Variants in TMEM132E observed in about 807,000 individuals in gnomAD.
TMEM132E encodes the protein transmembrane protein 132E.
Under a neutral mutation model 78.5 loss-of-function variants are expected in TMEM132E, and 49 were observed. The observed-to-expected ratio is 0.62, with a 90% CI of 0.50 to 0.79. The LOEUF is 0.79. Among genes scored for constraint, TMEM132E ranks in the 30% least tolerant of loss-of-function variants. The probability of loss-of-function intolerance (pLI) is 0.00; values close to 1 mark genes in which losing one functional copy is unlikely to be tolerated. For missense variants in TMEM132E, 1,403 were observed against 1,470.9 expected, an observed-to-expected ratio of 0.95 and a Z score of 0.75; for synonymous variants, 715 against 670.6, an observed-to-expected ratio of 1.07 and a Z score of -1.02.
intron 1 of TMEM132E, among the ~76,000 whole-genome samples, chr17:34,617,592 A>G (rs1399493252): frequency 6.6e-6 from 1 of 152,242 alleles, no homozygotes; most frequent in Non-Finnish European, 1.5e-5. Context: ...TGCTTATTTA[A>G]TCACAACTCT....
Position 34,638,266 on chromosome 17 carries a change from C to CA in TMEM132E, c.*34_*35insA, listed in dbSNP as rs368775416. The CA allele has an allele frequency of 0.18, 255,105 of 1,455,450 alleles. 10,174 individuals are homozygous for CA. The highest frequency in any genetic ancestry group is 0.41 in the Admixed American group (16,795 of 40,946). The allele number at this position is 1,455,450 out of a possible 1,614,324, so 90.2% of individuals were successfully genotyped here. A position where few individuals can be genotyped will look rare whatever the true frequency, so the allele number is the denominator to read the frequency against. The stretch of plus-strand genomic sequence containing the variant: ...GCCGGAGTAGCAGGGACCCCCCCCC[C>CA]CAACGGGGTCAGCTCGGGGTAGGAC... On this transcript the variant is annotated 3_prime_UTR_variant, in exon 9 of 9. Transcript: ENST00000631683.
Position 34,627,757 on chromosome 17 carries a change from A to G in TMEM132E, c.998+700A>G, listed in dbSNP as rs970023060. Among the ~76,000 whole-genome samples, 3 of 152,158 alleles carry G rather than the reference A, an allele frequency of 2.0e-5. No homozygotes were observed. In the East Asian group the frequency reaches 5.8e-4, roughly 29 times the overall value. On this transcript the variant is annotated intron_variant, in intron 2 of 8. Transcript: ENST00000631683. ...CACTATGCCTTGGACCTGAAACATC[A>G]CTATAAGCCTGCAGCTTCTTTAAGT... is the stretch of plus-strand genomic sequence containing the variant.
At chr17:34,594,169 T>C (rs1467367286) in intron 1 of TMEM132E, among the ~76,000 whole-genome samples, 2 of 152,142 alleles carry the variant, frequency 1.3e-5, no homozygotes, top group Middle Eastern at 3.2e-3. Flanking sequence ...GCAGAGGCCA[T>C]CTCTGTTTTG....
At chr17:34,617,896 T>G (rs980987389) in intron 1 of TMEM132E, among the ~76,000 whole-genome samples, 10 of 152,272 alleles carry the variant, frequency 6.6e-5, no homozygotes, top group Non-Finnish European at 1.2e-4. Flanking sequence ...CATAAAAACA[T>G]AAAGTAAAAT....
In TMEM132E at chr17:34,635,029, C is replaced by T. The variant is rs750520343; in HGVS notation, c.1919C>T (p.Ala640Val). ...ATGCGGGTGGGCGATCCCCGAGTGGCACACATGGTGGACAGCAGCACGCTG... is the reference window on the plus strand; with the variant it reads ...ATGCGGGTGGGCGATCCCCGAGTGGTACACATGGTGGACAGCAGCACGCTG... The part of the protein sequence containing the change: ...DFMRVGDPRV[A>V]HMVDSSTLAG... The change falls in exon 7 of 9, where the codon GCA (alanine) becomes GTA (valine). Residue 640 changes from alanine (A) to valine (V), a missense_variant. By Grantham distance (64) the Ala-to-Val change is moderately conservative (BLOSUM62 0). Transcript: ENST00000631683. 1 of 1,614,096 alleles carries T rather than the reference C, an allele frequency of 6.2e-7. No homozygotes were observed. Among genetic ancestry groups the T allele is most frequent in the Non-Finnish European group, 8.5e-7 (1 of 1,180,018 alleles).
intron 1 of TMEM132E, among the ~76,000 whole-genome samples, chr17:34,584,816 G>A (rs544526489): frequency 1.6e-4 from 25 of 152,300 alleles, no homozygotes; most frequent in Non-Finnish European, 3.1e-4. Context: ...ATGTGTCTCC[G>A]GTGACATGTT....
intron 1 of TMEM132E, among the ~76,000 whole-genome samples, chr17:34,605,792 G>C (rs1165435169): frequency 6.6e-6 from 1 of 152,220 alleles, no homozygotes; most frequent in Non-Finnish European, 1.5e-5. Context: ...CCCAGCTGCT[G>C]ATTTGGTCTT....
intron 1 of TMEM132E, among the ~76,000 whole-genome samples, chr17:34,586,233 C>G (rs1409036785): frequency 1.3e-5 from 2 of 152,138 alleles, no homozygotes; most frequent in Non-Finnish European, 2.9e-5. Context: ...CTTACTTCTT[C>G]CTTGCCCATG....
intron 8 of TMEM132E, among the ~76,000 whole-genome samples, chr17:34,636,455 T>C (rs1907524620): frequency 2.0e-5 from 3 of 152,278 alleles, no homozygotes; most frequent in African/African-American, 2.4e-5. Flanking sequence ...CACAGAGGGC[T>C]GTCACCTCCA....
intron 1 of TMEM132E, among the ~76,000 whole-genome samples, chr17:34,586,121 C>T (rs558525652): frequency 2.0e-4 from 30 of 152,132 alleles, no homozygotes; most frequent in South Asian, 1.2e-3. Flanking sequence ...AGAGCACACG[C>T]CTCTCTCCCC....
intron 1 of TMEM132E, among the ~76,000 whole-genome samples, chr17:34,613,171 CTCT>C (rs1380342126): frequency 1.0e-4 from 11 of 105,324 alleles, no homozygotes; most frequent in East Asian, 3.1e-4. Context: ...CTCTCTCTCT[CTCT>C]ACACACACAC....
chr17:34,609,900 G>A (rs16970092), intron 1 of TMEM132E, among the ~76,000 whole-genome samples: 2,611 of 152,102 alleles, frequency 0.017, 73 homozygotes, highest in African/African-American at 0.059. Flanking sequence ...TTAACCTGCC[G>A]GTCCAGCCCC....
intron 5 of TMEM132E, 40 bp downstream of exon 5, chr17:34,630,191 T>G (rs953445176): frequency 6.3e-7 from 1 of 1,595,156 alleles, no homozygotes; most frequent in Non-Finnish European, 8.6e-7. Context: ...GAAGAAGCCC[T>G]AGGCCTTCAG....
intron 1 of TMEM132E, among the ~76,000 whole-genome samples, chr17:34,602,946 A>G (rs539694418): frequency 6.6e-6 from 1 of 152,242 alleles, no homozygotes; most frequent in Admixed American, 6.5e-5. Context: ...CCTCTCCAAG[A>G]TCTTCCTGGA....
rs1907639306 is a variant in TMEM132E, at chr17:34,638,740, T to G, written c.*508T>G. 1 of 153,142 alleles carries G rather than the reference T, an allele frequency of 6.5e-6. No homozygotes were observed. Among genetic ancestry groups the G allele is most frequent in the African/African-American group, 2.4e-5 (1 of 40,974 alleles). 9.5% of individuals were successfully genotyped at this position (153,142 alleles called of 1,614,324 possible). A position where few individuals can be genotyped will look rare whatever the true frequency, so the allele number is the denominator to read the frequency against. On this transcript the variant is annotated 3_prime_UTR_variant, in exon 9 of 9. Transcript: ENST00000631683. The stretch of plus-strand genomic sequence containing the variant: ...GTGGGGAGGTGGCAGCTGCCTGCCC[T>G]GCCAAGGATCTTGCTGTGGACGAAA...
intron 1 of TMEM132E, among the ~76,000 whole-genome samples, chr17:34,616,963 T>C (rs1455352024): frequency 6.6e-6 from 1 of 152,236 alleles, no homozygotes; most frequent in Non-Finnish European, 1.5e-5. Context: ...TTTTAACCTC[T>C]GTTTGCTCCT....
In TMEM132E at chr17:34,626,749, C is replaced by T; in HGVS notation, c.690C>T (p.Ala230=). 2 of 1,390,568 alleles carry T rather than the reference C, an allele frequency of 1.4e-6. No homozygotes were observed. Among genetic ancestry groups the T allele is most frequent in the East Asian group, 2.6e-5 (1 of 38,960 alleles). The allele number at this position is 1,390,568 out of a possible 1,614,324, so 86.1% of individuals were successfully genotyped here. A position where few individuals can be genotyped will look rare whatever the true frequency, so the allele number is the denominator to read the frequency against. ...EPEATGESQQ[A]ELYYTLHAPD... is the part of the protein sequence containing the mutation. ...AGGCGACGGGGGAGAGCCAGCAGGC[C>T]GAGCTCTACTACACGCTCCACGCCC... is the stretch of plus-strand genomic sequence containing the variant. Residue 230 remains alanine, a synonymous_variant, in exon 2 of 9, where the codon GCC becomes GCT. Coordinates refer to ENST00000631683, the MANE Select transcript of TMEM132E (RefSeq NM_001304438.2).
intron 1 of TMEM132E, among the ~76,000 whole-genome samples, chr17:34,594,970 T>C (rs1266947195): frequency 6.6e-6 from 1 of 152,154 alleles, no homozygotes; most frequent in African/African-American, 2.4e-5. Flanking sequence ...CTGGCTGATA[T>C]GAGACAAGGA....
chr17:34,628,918 G>C, intron 3 of TMEM132E, 94 bp from the exon 4 acceptor site: 2 of 1,448,886 alleles, frequency 1.4e-6, no homozygotes, highest in Non-Finnish European at 9.3e-7. Flanking sequence ...GGCAGCTGCC[G>C]GGGAGGGGTG....
Sources: gnomAD v4.1 joint callset for allele counts (sites outside exome capture counted in the v4.1 genomes callset) on GRCh38, gnomAD v4.1.1 for gene constraint, MANE v1.5 for transcripts, NCBI Gene and HGNC (gene_info 2026-07-23, HGNC 2026-07-21) for gene names.